The following LARP4 variants were observed in gnomAD, a reference collection of about 807,000 sequenced individuals.
LARP4 encodes the protein La ribonucleoprotein 4.
Under a neutral mutation model 92.9 loss-of-function variants are expected in LARP4, and 29 were observed. That is an observed-to-expected ratio of 0.31 (90% confidence interval 0.23 to 0.43). The LOEUF (loss-of-function observed/expected upper bound fraction) is 0.43. Ranked by LOEUF, LARP4 falls within the 20% of genes least tolerant of loss-of-function variation. The probability of loss-of-function intolerance (pLI) is 1.00; values close to 1 mark genes in which losing one functional copy is unlikely to be tolerated. For missense variants in LARP4, 732 were observed against 860.0 expected (o/e 0.85, Z 1.86); for synonymous variants, 279 against 284.1 (o/e 0.98, Z 0.18).
chr12:50,412,219 C>T (rs1421502795), intron 1 of LARP4, among the ~76,000 whole-genome samples: 4 of 152,090 alleles, frequency 2.6e-5, no homozygotes, highest in African/African-American at 9.7e-5. Flanking sequence ...TAAAATAGCC[C>T]TAAGCATCTT....
At chr12:50,424,549 G>C (rs1383906213) in intron 1 of LARP4, among the ~76,000 whole-genome samples, 1 of 151,808 alleles carries the variant, frequency 6.6e-6, no homozygotes, top group African/African-American at 2.4e-5. Flanking sequence ...GTAGAGACAG[G>C]GTTTCTCCAT....
At chr12:50,473,671 G>A (rs1490928293) in intron 14 of LARP4, 135 bp downstream of exon 14, 4 of 796,172 alleles carry the variant, frequency 5.0e-6, no homozygotes, top group African/African-American at 1.8e-5. Context: ...TTCAAGACCA[G>A]TCTGGCCAAC....
intron 1 of LARP4, among the ~76,000 whole-genome samples, chr12:50,414,970 C>T (rs562442864): frequency 1.3e-5 from 2 of 151,988 alleles, no homozygotes; most frequent in African/African-American, 2.4e-5. Flanking sequence ...TTCAGGAGGC[C>T]GAGGCAGGGA....
Position 50,454,299 on chromosome 12 carries a change from T to C in LARP4, c.1018-15T>C. On this transcript the variant is annotated splice_polypyrimidine_tract_variant and intron_variant, in intron 9 of 15. Coordinates refer to ENST00000398473, the MANE Select transcript of LARP4 (RefSeq NM_052879.5). The stretch of plus-strand genomic sequence containing the variant: ...CTTTGCCATTAATATTGTTTAAACA[T>C]ACATTTTTTTCTAGGCTCCCTTTCC... 2 of 1,590,170 alleles carry C rather than the reference T, an allele frequency of 1.3e-6. No individual in the cohort carries two copies. The highest frequency in any genetic ancestry group is 1.7e-6 in the Non-Finnish European group (2 of 1,159,978).
chr12:50,451,682 A>G lies in LARP4; in HGVS notation c.805-1778A>G, dbSNP rs537573136. Among the ~76,000 whole-genome samples, 287 of 152,264 alleles carry G rather than the reference A, an allele frequency of 1.9e-3. 1 individual carries two copies. The highest frequency in any genetic ancestry group is 6.8e-3 in the Middle Eastern group (2 of 294). On this transcript the variant is annotated intron_variant, in intron 8 of 15. Transcript: ENST00000398473. ...AAACCCCGTCTCTACTAACAATACA[A>G]AAAAATTTGCTGGGTATGGCTGTAT...
intron 15 of LARP4, among the ~76,000 whole-genome samples, chr12:50,474,695 A>C (rs1263707160): frequency 1.3e-5 from 2 of 152,104 alleles, no homozygotes; most frequent in African/African-American, 4.8e-5. Context: ...GGTTAAGTGA[A>C]GCTTCTTCCT....
At chr12:50,411,586 C>T (rs778502508) in intron 1 of LARP4, among the ~76,000 whole-genome samples, 5 of 152,102 alleles carry the variant, frequency 3.3e-5, no homozygotes, top group Non-Finnish European at 5.9e-5. Flanking sequence ...GCCTCAGCCT[C>T]CCAAAGTACT....
intron 13 of LARP4, among the ~76,000 whole-genome samples, chr12:50,471,315 T>C (rs890851478): frequency 4.7e-4 from 72 of 152,182 alleles, no homozygotes; most frequent in African/African-American, 1.7e-3. Context: ...TGTATTCTTT[T>C]ACTTCTTTCA....
intron 8 of LARP4, among the ~76,000 whole-genome samples, chr12:50,452,586 C>T (rs1192325360): frequency 6.6e-6 from 1 of 152,226 alleles, no homozygotes; most frequent in African/African-American, 2.4e-5. Flanking sequence ...CATATCTTCT[C>T]TAACACTTCC....
intron 1 of LARP4, among the ~76,000 whole-genome samples, chr12:50,424,327 G>A (rs1948376861): frequency 6.6e-6 from 1 of 151,810 alleles, no homozygotes. Context: ...CTATGGGCAC[G>A]CCACTGCACT....
chr12:50,403,830 C>A (rs779309135), intron 1 of LARP4, among the ~76,000 whole-genome samples: 2 of 152,120 alleles, frequency 1.3e-5, no homozygotes, highest in African/African-American at 4.8e-5. Context: ...ATACTTGTAT[C>A]GTGCTTTGTG....
intron 1 of LARP4, among the ~76,000 whole-genome samples, chr12:50,421,733 A>G (rs1182357380): frequency 6.6e-6 from 1 of 152,178 alleles, no homozygotes; most frequent in Non-Finnish European, 1.5e-5. Context: ...TGGTTACTAT[A>G]GCAGGTCATG....
Position 50,462,624 on chromosome 12 carries a change from G to C in LARP4, c.1377G>C (p.Arg459Ser). 1 of 1,588,632 alleles carries C rather than the reference G, an allele frequency of 6.3e-7. No individual in the cohort carries two copies. The highest frequency in any genetic ancestry group is 8.6e-7 in the Non-Finnish European group (1 of 1,165,626). The change falls in exon 12 of 16, where the codon AGG (arginine) becomes AGC (serine). Residue 459 changes from arginine to serine, a missense_variant. Around this residue, in one of 7 missense-constraint regions of LARP4, gnomAD observed 264 missense variants for 269.5 expected, o/e 0.98. Coordinates refer to ENST00000398473, the MANE Select transcript of LARP4 (RefSeq NM_052879.5). ...GTCGAAGACGACGAGAAGATGACAG[G>C]ATCTCAGTAAGTTTTTTAAAACTTT... is the stretch of plus-strand genomic sequence containing the variant. Reference protein sequence around the residue: ...FRGRRRREDDRISRPHPSTAE... With the variant: ...FRGRRRREDDSISRPHPSTAE...
At chr12:50,441,292 A>G (rs1001432098) in intron 7 of LARP4, 6 of 225,540 alleles carry the variant, frequency 2.7e-5, no homozygotes, top group Non-Finnish European at 5.2e-5. Flanking sequence ...TTTATTTTTT[A>G]AAACAATTTA....
chr12:50,457,198 G>A (rs966049782), intron 10 of LARP4, among the ~76,000 whole-genome samples: 4 of 143,516 alleles, frequency 2.8e-5, no homozygotes, highest in South Asian at 2.2e-4. Context: ...CACCATACCC[G>A]GCCTTTTTTT....
Position 50,474,057 on chromosome 12 carries a change from A to G in LARP4, c.1726A>G (p.Asn576Asp). 1.2e-6 allele frequency: 2 copies of G among 1,612,510 alleles called. No individual in the cohort carries two copies. The highest frequency in any genetic ancestry group is 2.2e-5 in the East Asian group (1 of 44,878). Residue 576 changes from asparagine (N) to aspartate (D), a missense_variant, in exon 15 of 16, where the codon AAT becomes GAT. This residue lies in a region of LARP4 where 97 missense variants were observed against 85.9 expected (regional missense o/e 1.13). Transcript: ENST00000398473. The part of the protein sequence containing the change: ...EDSSVQKDGL[N>D]QTTIPVSPPS... Reference sequence around the variant, plus strand: ...TTCCTCTGTTCAGAAGGATGGTCTCAATCAGACAACTATACCAGTTTCTCC... The same window carrying G: ...TTCCTCTGTTCAGAAGGATGGTCTCGATCAGACAACTATACCAGTTTCTCC...
intron 1 of LARP4, 54 bp from the exon 2 acceptor site, chr12:50,427,708 T>A: frequency 8.1e-7 from 1 of 1,234,676 alleles, no homozygotes; most frequent in Non-Finnish European, 1.1e-6. Flanking sequence ...TCTGAATCTG[T>A]AATTTTCATG....
At chr12:50,467,630 G>C (rs574234878) in intron 13 of LARP4, among the ~76,000 whole-genome samples, 24 of 152,164 alleles carry the variant, frequency 1.6e-4, no homozygotes, top group African/African-American at 5.8e-4. Flanking sequence ...AGTCAATTCA[G>C]CCTGTTAGAA....
chr12:50,436,746 CTT>C (rs987764187), intron 5 of LARP4, among the ~76,000 whole-genome samples: 3 of 152,174 alleles, frequency 2.0e-5, no homozygotes, highest in African/African-American at 7.2e-5. Context: ...CAGATCTTCA[CTT>C]TTATATGAGA....
Sources: allele counts gnomAD v4.1 joint callset (sites outside exome capture counted in the v4.1 genomes callset), GRCh38; gene constraint gnomAD v4.1.1; regional missense constraint gnomAD v4.1.1; transcripts MANE v1.5; gene names NCBI Gene and HGNC (gene_info 2026-07-23, HGNC 2026-07-21).